The following RANBP2 variants were observed in gnomAD, a reference collection of about 807,000 sequenced individuals.
RANBP2 encodes RAN binding protein 2, also known as E3 SUMO-protein ligase RanBP2.
RANBP2 carries 57 observed loss-of-function variants against 303.6 expected under a neutral mutation model. That is an observed-to-expected ratio of 0.19 (90% CI 0.15 to 0.23). The LOEUF (loss-of-function observed/expected upper bound fraction) is 0.23. Among genes scored for constraint, RANBP2 ranks in the 10% least tolerant of loss-of-function variants. The probability of loss-of-function intolerance (pLI) is 1.00; values close to 1 mark genes in which losing one functional copy is unlikely to be tolerated. For missense variants in RANBP2, 3,138 were observed against 3,780.8 expected (o/e 0.83, Z 4.46); for synonymous variants, 1,167 against 1,301.5 (o/e 0.90, Z 2.23).
At chr2:109,354,801 G>T in the RANBP2 span, among the ~76,000 whole-genome samples, 1 of 152,260 alleles carries the variant, frequency 6.6e-6, no homozygotes, top group Non-Finnish European at 1.5e-5. Context: ...CCAGGTGGAA[G>T]TGAAAACACA....
the RANBP2 span, among the ~76,000 whole-genome samples, chr2:109,487,334 C>T: frequency 1.4e-4 from 22 of 152,178 alleles, no homozygotes; most frequent in African/African-American, 4.6e-4. Flanking sequence ...TCACACGGGA[C>T]GACCACCAGG....
At chr2:109,674,247 C>A in the RANBP2 span, among the ~76,000 whole-genome samples, 2 of 151,786 alleles carry the variant, frequency 1.3e-5, no homozygotes, top group Non-Finnish European at 2.9e-5. Flanking sequence ...CAACCCCCCC[C>A]CAAAATGAAG....
intron 20 of RANBP2, chr2:108,769,273 C>A: frequency 1.0e-6 from 1 of 985,046 alleles, no homozygotes; most frequent in Non-Finnish European, 1.2e-6. Context: ...TTAATTTTAG[C>A]CTTTTTAAAT....
chr2:108,777,106 A>G (rs372939546), intron 24 of RANBP2, 24 bp from the exon 25 acceptor site: 185 of 1,596,508 alleles, frequency 1.2e-4, no homozygotes, highest in Non-Finnish European at 1.5e-4. Context: ...TAAATAGTAA[A>G]TTGTTCTTTT....
chr2:108,981,636 G>C, the RANBP2 span, among the ~76,000 whole-genome samples: 1 of 152,092 alleles, frequency 6.6e-6, no homozygotes, highest in Non-Finnish European at 1.5e-5. Flanking sequence ...ACCTCTGCTC[G>C]ATATATACTA....
the RANBP2 span, among the ~76,000 whole-genome samples, chr2:109,497,131 A>G: frequency 0.53 from 80,921 of 151,992 alleles, 21,995 homozygotes; most frequent in East Asian, 0.69. Flanking sequence ...TTTTTATAGT[A>G]TGATGCCACT....
chr2:108,974,329 C>CAAAAAAAAAA, the RANBP2 span, among the ~76,000 whole-genome samples: 1 of 61,496 alleles, frequency 1.6e-5, no homozygotes, highest in East Asian at 9.9e-4. Context: ...GGATCCGTCT[C>CAAAAAAAAAA]AAAAAAAAAA....
At chr2:108,939,938 C>T in the RANBP2 span, among the ~76,000 whole-genome samples, 2 of 152,182 alleles carry the variant, frequency 1.3e-5, no homozygotes, top group South Asian at 2.1e-4. Flanking sequence ...GACGAGGCCT[C>T]CTGCATGAAC....
chr2:109,616,451 G>T, the RANBP2 span: 1 of 170,138 alleles, frequency 5.9e-6, no homozygotes, highest in Non-Finnish European at 1.4e-5. Flanking sequence ...TTTATAAGGG[G>T]TTACTCTTTC....
chr2:108,796,778 C>T, the RANBP2 span, among the ~76,000 whole-genome samples: 4 of 151,934 alleles, frequency 2.6e-5, no homozygotes, highest in East Asian at 5.8e-4. Context: ...AGAAGTGGGT[C>T]TCATAGAAAT....
At chr2:108,940,522 C>A in the RANBP2 span, among the ~76,000 whole-genome samples, 2 of 152,362 alleles carry the variant, frequency 1.3e-5, no homozygotes, top group African/African-American at 4.8e-5. Context: ...GTACTCTGGG[C>A]TCCCCTGGGC....
At chr2:109,359,027 T>A in the RANBP2 span, among the ~76,000 whole-genome samples, 5 of 152,238 alleles carry the variant, frequency 3.3e-5, no homozygotes, top group African/African-American at 1.2e-4. Flanking sequence ...ACTGTTTATT[T>A]TAAAAACTAT....
the RANBP2 span, among the ~76,000 whole-genome samples, chr2:109,364,212 TC>T: frequency 6.6e-6 from 1 of 152,036 alleles, no homozygotes; most frequent in African/African-American, 2.4e-5. Flanking sequence ...GGTGGAGGTT[TC>T]TATTGAGATA....
At chr2:109,650,342 G>A in the RANBP2 span, among the ~76,000 whole-genome samples, 2 of 152,166 alleles carry the variant, frequency 1.3e-5, no homozygotes, top group Non-Finnish European at 2.9e-5. Context: ...GTCTCCCAAG[G>A]CAGAAAGACA....
At chr2:109,370,213 CTGTCTCTGTCTCTG>C in the RANBP2 span, among the ~76,000 whole-genome samples, 63 of 149,440 alleles carry the variant, frequency 4.2e-4, no homozygotes, top group South Asian at 5.9e-3. Context: ...GTCTCTGTCT[CTGTCTCTGTCTCTG>C]TCTCTCTCTC....
chr2:109,598,240 G>A, the RANBP2 span, among the ~76,000 whole-genome samples: 1 of 151,746 alleles, frequency 6.6e-6, no homozygotes. Context: ...GCTAACTTTT[G>A]TATTTTTATT....
chr2:109,168,956 C>T, the RANBP2 span, among the ~76,000 whole-genome samples: 1 of 152,176 alleles, frequency 6.6e-6, no homozygotes, highest in Non-Finnish European at 1.5e-5. Context: ...GGGCTCAGTA[C>T]ACATTGAGCT....
At chr2:108,931,872 T>C in the RANBP2 span, among the ~76,000 whole-genome samples, 3 of 152,118 alleles carry the variant, frequency 2.0e-5, no homozygotes, top group African/African-American at 7.2e-5. Flanking sequence ...AATTCCCCAG[T>C]GGCTGCACTC....
chr2:108,773,582 G>A (rs1351720649), intron 23 of RANBP2, among the ~76,000 whole-genome samples: 1 of 151,170 alleles, frequency 6.6e-6, no homozygotes, highest in Non-Finnish European at 1.5e-5. Flanking sequence ...AAAATAACTA[G>A]AATATCAATT....
Sources: allele counts gnomAD v4.1 joint callset (sites outside exome capture counted in the v4.1 genomes callset), GRCh38; gene constraint gnomAD v4.1.1; transcripts MANE v1.5; gene names NCBI Gene and HGNC (gene_info 2026-07-23, HGNC 2026-07-21).